Variants in ST18 observed in about 807,000 individuals in gnomAD.
The protein encoded by ST18 is ST18 C2H2C-type zinc finger transcription factor.
Under a neutral mutation model 110.0 loss-of-function variants are expected in ST18, and 50 were observed. That is an observed-to-expected ratio of 0.45 (90% CI 0.36 to 0.58). ST18 has a LOEUF of 0.58. ST18 is among the 20% of genes least tolerant of loss of function. The pLI is 0.00. For synonymous variants in ST18, 461 were observed against 452.4 expected, an observed-to-expected ratio of 1.02 and a Z score of -0.24; for missense variants, 1,306 against 1,280.1, an observed-to-expected ratio of 1.02 and a Z score of -0.31.
chr8:52,231,435 T>C (rs2091316757), intron 2 of ST18, among the ~76,000 whole-genome samples: 2 of 152,058 alleles, frequency 1.3e-5, no homozygotes, highest in East Asian at 3.9e-4. Flanking sequence ...TCTTAATATG[T>C]TGTAACAGTG....
chr8:52,159,989 T>C (rs2061002507), intron 14 of ST18, among the ~76,000 whole-genome samples: 1 of 152,144 alleles, frequency 6.6e-6, no homozygotes, highest in South Asian at 2.1e-4. Context: ...AAATATTTGA[T>C]TCTTTTCATA....
At chr8:52,266,879 G>T (rs79365528) in intron 2 of ST18, among the ~76,000 whole-genome samples, 1 of 152,076 alleles carries the variant, frequency 6.6e-6, no homozygotes, top group Admixed American at 6.5e-5. Flanking sequence ...GGGATTAGAG[G>T]GGGCTATAAA....
At chr8:52,184,266 C>G in intron 8 of ST18, among the ~76,000 whole-genome samples, 1 of 152,138 alleles carries the variant, frequency 6.6e-6, no homozygotes, top group East Asian at 1.9e-4. Context: ...ACACTCAGCC[C>G]TGCATTTATT....
In ST18 at chr8:52,225,024, G is replaced by A. The variant is rs960290130; in HGVS notation, c.-418-3231C>T. ...ATTTTTGCTTTTGCAGATTGCTGAA[G>A]TCATCCAGAGCATCACAATAACTTC... On this transcript the variant is annotated intron_variant, in intron 3 of 25. Coordinates refer to ENST00000689386, the MANE Select transcript of ST18 (RefSeq NM_001352837.2). Among the ~76,000 whole-genome samples the A allele has an allele frequency of 1.5e-4, 23 of 152,312 alleles. 1 individual carries two copies. Among genetic ancestry groups the A allele is most frequent in the Admixed American group, 1.0e-3 (16 of 15,304 alleles).
chr8:52,303,821 G>A (rs1193617643), intron 2 of ST18, among the ~76,000 whole-genome samples: 1 of 152,174 alleles, frequency 6.6e-6, no homozygotes, highest in African/African-American at 2.4e-5. Flanking sequence ...GACACTAAAT[G>A]CAGTGCTTTG....
chr8:52,280,007 A>G (rs1564401463), intron 2 of ST18, among the ~76,000 whole-genome samples: 1 of 152,142 alleles, frequency 6.6e-6, no homozygotes, highest in African/African-American at 2.4e-5. Context: ...TTTTGGGGGA[A>G]ATATTAAAGT....
intron 14 of ST18, among the ~76,000 whole-genome samples, chr8:52,160,599 G>A (rs1383416045): frequency 6.6e-6 from 1 of 152,182 alleles, no homozygotes; most frequent in Admixed American, 6.5e-5. Context: ...CTTTGTGGAA[G>A]TTAAGTGACC....
chr8:52,194,029 T>C lies in ST18; in HGVS notation c.87-13717A>G, dbSNP rs145278030. 4.6e-5 allele frequency among the ~76,000 whole-genome samples: 7 copies of C among 151,532 alleles called. No homozygotes were observed. In the East Asian group the frequency reaches 9.6e-4, roughly 21 times the overall value. On this transcript the variant is annotated intron_variant, in intron 8 of 25. Transcript: ENST00000689386. ...AGGTTATCTGATAACGTCAGGTTTA[T>C]AAAAGGGGAGAATTTTTTTTCCCGT...
intron 9 of ST18, among the ~76,000 whole-genome samples, chr8:52,176,129 C>T (rs919363982): frequency 2.6e-5 from 4 of 152,006 alleles, no homozygotes; most frequent in Admixed American, 1.3e-4. Flanking sequence ...ACAAGTGATT[C>T]TCTTGCCTCA....
At chr8:52,178,614 C>CAAAAAAAAA (rs869184166) in intron 9 of ST18, among the ~76,000 whole-genome samples, 11 of 2,362 alleles carry the variant, frequency 4.7e-3, no homozygotes, top group African/African-American at 0.012. Context: ...GAGACTCCAT[C>CAAAAAAAAA]AAAAAAAAAA....
Position 52,167,130 on chromosome 8 carries a change from C to T in ST18, c.1070-144G>A, listed in dbSNP as rs554891055. 3.5e-6 allele frequency: 4 copies of T among 1,156,552 alleles called. No homozygotes were observed. The South Asian group carries it at 7.6e-5, about 22-fold the overall frequency. The allele number at this position is 1,156,552 out of a possible 1,614,324, so 71.6% of individuals were successfully genotyped here. ...TTCTCACATCGCCTTGAACAAGACC[C>T]TCAACTAAGACCTGTGGAAACGGAA... is the stretch of plus-strand genomic sequence containing the variant. On this transcript the variant is annotated intron_variant, in intron 10 of 25. Coordinates refer to ENST00000689386, the MANE Select transcript of ST18 (RefSeq NM_001352837.2).
intron 14 of ST18, among the ~76,000 whole-genome samples, chr8:52,160,882 G>A (rs529896573): frequency 1.3e-5 from 2 of 152,258 alleles, no homozygotes; most frequent in East Asian, 1.9e-4. Flanking sequence ...GTAAAATCCT[G>A]ACTTTCAAAT....
chr8:52,259,220 A>G (rs562838419), intron 2 of ST18, among the ~76,000 whole-genome samples: 10 of 152,306 alleles, frequency 6.6e-5, no homozygotes, highest in African/African-American at 1.9e-4. Flanking sequence ...CTGGACCCCA[A>G]GCTCAGTGAT....
At chr8:52,181,264 T>C (rs2069391851) in intron 8 of ST18, among the ~76,000 whole-genome samples, 1 of 152,204 alleles carries the variant, frequency 6.6e-6, no homozygotes, top group Non-Finnish European at 1.5e-5. Context: ...TAAAAGGATA[T>C]GACTTACTCC....
intron 2 of ST18, among the ~76,000 whole-genome samples, chr8:52,366,005 T>C (rs1375325009): frequency 2.0e-5 from 3 of 152,118 alleles, no homozygotes; most frequent in Non-Finnish European, 4.4e-5. Context: ...ATTACTTCAT[T>C]AGACAACACA....
intron 2 of ST18, among the ~76,000 whole-genome samples, chr8:52,383,163 A>G (rs1182225493): frequency 6.6e-6 from 1 of 152,112 alleles, no homozygotes; most frequent in African/African-American, 2.4e-5. Flanking sequence ...GGTGACTTCT[A>G]TTTCAGGGTT....
intron 2 of ST18, among the ~76,000 whole-genome samples, chr8:52,323,759 T>A (rs1805046193): frequency 6.6e-6 from 1 of 152,160 alleles, no homozygotes; most frequent in South Asian, 2.1e-4. Flanking sequence ...GGTGGCAGTG[T>A]ATGGTTTGCT....
chr8:52,246,281 T>C (rs1380567865), intron 2 of ST18, among the ~76,000 whole-genome samples: 1 of 151,878 alleles, frequency 6.6e-6, no homozygotes, highest in Admixed American at 6.6e-5. Flanking sequence ...ATGTATCAAT[T>C]AAAAGAAACA....
intron 22 of ST18, among the ~76,000 whole-genome samples, chr8:52,130,153 AAG>A (rs1479198657): frequency 6.6e-6 from 1 of 150,380 alleles, no homozygotes; most frequent in African/African-American, 2.5e-5. Context: ...GAAAGAAAGA[AAG>A]AAAGAAAGAA....
Sources: gnomAD v4.1 joint callset for allele counts (sites outside exome capture counted in the v4.1 genomes callset) on GRCh38, gnomAD v4.1.1 for gene constraint, MANE v1.5 for transcripts, NCBI Gene and HGNC (gene_info 2026-07-23, HGNC 2026-07-21) for gene names.